ASIC2: variants seen among roughly 807,000 people sequenced by gnomAD.
ASIC2 encodes the protein acid sensing ion channel subunit 2, also known as acid-sensing ion channel 2.
ASIC2 carries 25 observed loss-of-function variants against 57.3 expected under a neutral mutation model. The observed-to-expected ratio is 0.44, with a 90% confidence interval of 0.32 to 0.61. The LOEUF is 0.61. Among genes scored for constraint, ASIC2 ranks in the 20% least tolerant of loss-of-function variants. ASIC2 has a pLI of 0.06. For missense variants in ASIC2, 641 were observed against 738.1 expected, an observed-to-expected ratio of 0.87 and a Z score of 1.52; for synonymous variants, 319 against 307.5, an observed-to-expected ratio of 1.04 and a Z score of -0.39.
intron 1 of ASIC2, among the ~76,000 whole-genome samples, chr17:34,138,212 G>A (rs770023823): frequency 3.9e-5 from 6 of 152,164 alleles, no homozygotes; most frequent in Non-Finnish European, 5.9e-5. Flanking sequence ...AATACAGAAT[G>A]AGAGGAGTAA....
At chr17:33,786,871 G>T (rs1275987255) in intron 1 of ASIC2, among the ~76,000 whole-genome samples, 1 of 152,198 alleles carries the variant, frequency 6.6e-6, no homozygotes, top group Non-Finnish European at 1.5e-5. Context: ...GTCTGAGTCA[G>T]TGAGAAGGGT....
intron 1 of ASIC2, among the ~76,000 whole-genome samples, chr17:33,178,800 C>T (rs1905864441): frequency 6.6e-6 from 1 of 152,208 alleles, no homozygotes; most frequent in Non-Finnish European, 1.5e-5. Flanking sequence ...TGTGTGTGCA[C>T]TCATACATAA....
chr17:33,826,848 T>G (rs1447296178), intron 1 of ASIC2, among the ~76,000 whole-genome samples: 1 of 152,126 alleles, frequency 6.6e-6, no homozygotes, highest in Non-Finnish European at 1.5e-5. Flanking sequence ...TTTATAACCT[T>G]AATAGAGAAG....
chr17:33,548,078 T>C (rs2141974484), intron 1 of ASIC2, among the ~76,000 whole-genome samples: 1 of 152,270 alleles, frequency 6.6e-6, no homozygotes, highest in East Asian at 1.9e-4. Flanking sequence ...GATAATTATA[T>C]ATTAAAAAGT....
intron 1 of ASIC2, among the ~76,000 whole-genome samples, chr17:33,378,860 G>A (rs1486625709): frequency 6.6e-6 from 1 of 152,230 alleles, no homozygotes; most frequent in African/African-American, 2.4e-5. Context: ...GAGCAAGGCA[G>A]TTGGAATCTG....
intron 1 of ASIC2, chr17:33,794,106 C>G (rs967948828): frequency 2.6e-5 from 4 of 152,212 alleles, no homozygotes; most frequent in African/African-American, 9.6e-5. Context: ...AAAGCTCTAG[C>G]TCACCCATTC....
intron 1 of ASIC2, among the ~76,000 whole-genome samples, chr17:33,437,118 G>C (rs1030315918): frequency 2.0e-5 from 3 of 151,718 alleles, no homozygotes; most frequent in African/African-American, 7.3e-5. Flanking sequence ...GCCCGCCTCG[G>C]CCTCCCAAAG....
At chr17:33,228,833 C>T (rs1380898698) in intron 1 of ASIC2, among the ~76,000 whole-genome samples, 1 of 152,252 alleles carries the variant, frequency 6.6e-6, no homozygotes, top group African/African-American at 2.4e-5. Context: ...GTGCCTCCAT[C>T]CTTCCAGGAG....
At chr17:33,290,676 A>C (rs111302410) in intron 1 of ASIC2, 1 of 152,130 alleles carries the variant, frequency 6.6e-6, no homozygotes, top group Non-Finnish European at 1.5e-5. Context: ...CCACACTTAC[A>C]TTTTATGGGG....
At chr17:33,707,752 T>A (rs1178599017) in intron 1 of ASIC2, among the ~76,000 whole-genome samples, 15 of 152,346 alleles carry the variant, frequency 9.8e-5, no homozygotes, top group East Asian at 7.7e-4. Context: ...ATATCTGGTA[T>A]CTTTTCGCAT....
At position 33,028,126 on chromosome 17, in the gene ASIC2, C is replaced by T. The variant is rs969750519; in HGVS notation, c.1138+116G>A. On this transcript the variant is annotated intron_variant, in intron 4 of 9. Coordinates refer to ENST00000225823, the MANE Select transcript of ASIC2 (RefSeq NM_183377.2). The stretch of plus-strand genomic sequence containing the variant: ...ACCAAATAACAGAGTCTTCCCAGAA[C>T]ATCATCCTTTTGGATCCCAGCGAAG... 7.9e-6 allele frequency: 11 copies of T among 1,387,566 alleles called. No homozygotes were observed. The African/African-American group carries it at 1.2e-4, about 15-fold the overall frequency. The allele number at this position is 1,387,566 out of a possible 1,614,324, so 86.0% of individuals were successfully genotyped here.
At chr17:33,460,469 G>C (rs967559580) in intron 1 of ASIC2, among the ~76,000 whole-genome samples, 14 of 152,148 alleles carry the variant, frequency 9.2e-5, no homozygotes, top group African/African-American at 3.4e-4. Context: ...AGAGAACAAG[G>C]GCTGGCTCTG....
In ASIC2 at chr17:33,257,531, G is replaced by A. The variant is rs1261942272; in HGVS notation, c.708+33877C>T. On this transcript the variant is annotated intron_variant, in intron 1 of 9. Transcript: ENST00000225823. ...AGGTCACACAGCATGTTAGTTTCAGGGGCAGGACAAGAGCCCAGAGTGGCA... is the reference window on the plus strand; with the variant it reads ...AGGTCACACAGCATGTTAGTTTCAGAGGCAGGACAAGAGCCCAGAGTGGCA... 2.0e-5 allele frequency among the ~76,000 whole-genome samples: 3 copies of A among 152,296 alleles called. No homozygotes were observed. In the East Asian group the frequency reaches 5.8e-4, roughly 29 times the overall value.
intron 1 of ASIC2, among the ~76,000 whole-genome samples, chr17:33,229,444 C>T (rs1908007784): frequency 6.6e-6 from 1 of 152,166 alleles, no homozygotes; most frequent in African/African-American, 2.4e-5. Flanking sequence ...GATGTCTGCA[C>T]TGGCTACACG....
chr17:34,006,440 C>T (rs1040819008), intron 1 of ASIC2: 17 of 152,204 alleles, frequency 1.1e-4, no homozygotes, highest in African/African-American at 4.1e-4. Flanking sequence ...AAGGTGTTGA[C>T]TTGTTTTAAG....
intron 3 of ASIC2, among the ~76,000 whole-genome samples, chr17:33,084,126 T>C (rs1159517040): frequency 3.9e-5 from 6 of 152,156 alleles, no homozygotes; most frequent in African/African-American, 1.4e-4. Flanking sequence ...CCAAACTTCC[T>C]GGTGATCCTT....
intron 3 of ASIC2, among the ~76,000 whole-genome samples, chr17:33,077,209 A>G (rs1224366945): frequency 6.6e-6 from 1 of 152,020 alleles, no homozygotes; most frequent in East Asian, 1.9e-4. Flanking sequence ...ACCCAAATGC[A>G]TCAAAGGCCC....
intron 1 of ASIC2, among the ~76,000 whole-genome samples, chr17:33,914,418 C>A (rs1048887026): frequency 1.3e-5 from 2 of 152,100 alleles, no homozygotes. Context: ...CCCTTCAATT[C>A]GTGTGCAATA....
chr17:33,218,957 C>T lies in ASIC2; in HGVS notation c.708+72451G>A, dbSNP rs149173922. On this transcript the variant is annotated intron_variant, in intron 1 of 9. Transcript: ENST00000225823. Reference sequence around the variant, plus strand: ...GAAGGGAGAGCTGAACTGGGCTGGGCGAATTATTTTTGGTATTTTCTCCAG... The same window carrying T: ...GAAGGGAGAGCTGAACTGGGCTGGGTGAATTATTTTTGGTATTTTCTCCAG... Among the ~76,000 whole-genome samples, 160 of 152,216 alleles carry T rather than the reference C, an allele frequency of 1.1e-3. 1 individual carries two copies. The highest frequency in any genetic ancestry group is 2.5e-3 in the Admixed American group (39 of 15,300).
Sources: gnomAD v4.1 joint callset for allele counts (sites outside exome capture counted in the v4.1 genomes callset) on GRCh38, gnomAD v4.1.1 for gene constraint, MANE v1.5 for transcripts, NCBI Gene and HGNC (gene_info 2026-07-23, HGNC 2026-07-21) for gene names.